EFNA5: variants seen among roughly 807,000 people sequenced by gnomAD.
The protein encoded by EFNA5 is ephrin A5, also known as ephrin-A5.
Under a neutral mutation model 22.9 loss-of-function variants are expected in EFNA5, and 5 were observed. The ratio of observed to expected loss-of-function variants is 0.22; its 90% CI spans 0.11 to 0.46. The LOEUF is 0.46. Among genes scored for constraint, EFNA5 ranks in the 20% least tolerant of loss-of-function variants. EFNA5 has a pLI of 0.99. For missense variants in EFNA5, 237 were observed against 293.3 expected (o/e 0.81, Z 1.40); for synonymous variants, 113 against 112.2 (o/e 1.01, Z -0.04).
At chr5:107,655,015 AAAAAAAAAATGCTG>A (rs1351680932) in intron 1 of EFNA5, among the ~76,000 whole-genome samples, 4 of 70,436 alleles carry the variant, frequency 5.7e-5, no homozygotes, top group Non-Finnish European at 1.2e-4. Context: ...CGCTCATGGA[AAAAAAAAAATGCTG>A]AGTAAGCCTG....
chr5:107,622,401 G>A (rs1279245037), intron 1 of EFNA5, among the ~76,000 whole-genome samples: 1 of 152,176 alleles, frequency 6.6e-6, no homozygotes, highest in Non-Finnish European at 1.5e-5. Context: ...GGATATTTGA[G>A]TATGGGTATT....
intron 1 of EFNA5, among the ~76,000 whole-genome samples, chr5:107,446,124 A>G (rs888756164): frequency 6.6e-6 from 1 of 152,228 alleles, no homozygotes; most frequent in African/African-American, 2.4e-5. Flanking sequence ...ACATCAGAAC[A>G]TAACACCTCA....
At chr5:107,664,367 C>A (rs1446536639) in intron 1 of EFNA5, among the ~76,000 whole-genome samples, 3 of 152,054 alleles carry the variant, frequency 2.0e-5, no homozygotes, top group African/African-American at 4.8e-5. Flanking sequence ...AACATAAATG[C>A]AGACAAATTT....
intron 1 of EFNA5, among the ~76,000 whole-genome samples, chr5:107,485,112 A>G (rs962734103): frequency 1.1e-4 from 17 of 152,330 alleles, no homozygotes; most frequent in Non-Finnish European, 1.8e-4. Flanking sequence ...TACAAATCTA[A>G]GAGGAGGGTT....
At chr5:107,420,522 TAAAAAAAAAAA>T (rs368304882) in intron 2 of EFNA5, among the ~76,000 whole-genome samples, 66 of 109,090 alleles carry the variant, frequency 6.1e-4, no homozygotes, top group Admixed American at 9.3e-4. Flanking sequence ...TCTGTGCTTT[TAAAAAAAAAAA>T]AAAAAAAGAA....
intron 2 of EFNA5, among the ~76,000 whole-genome samples, chr5:107,414,291 T>C (rs1419402237): frequency 6.6e-6 from 1 of 152,222 alleles, no homozygotes; most frequent in Non-Finnish European, 1.5e-5. Context: ...CTCAAATCAA[T>C]ATGTTACTAC....
At chr5:107,428,187 C>T (rs1327160033) in intron 1 of EFNA5, among the ~76,000 whole-genome samples, 2 of 152,176 alleles carry the variant, frequency 1.3e-5, no homozygotes. Flanking sequence ...CTTAGATCTG[C>T]TACGTCAGAA....
In EFNA5 at chr5:107,580,737, A is replaced by G. The variant is rs534351450; in HGVS notation, c.125+89752T>C. 2.1e-3 allele frequency among the ~76,000 whole-genome samples: 297 copies of G among 144,222 alleles called. 3 individuals carry two copies. The highest frequency in any genetic ancestry group is 7.5e-3 in the African/African-American group (282 of 37,548). 94.6% of individuals were successfully genotyped at this position (144,222 alleles called of 152,430 possible). A position where few individuals can be genotyped will look rare whatever the true frequency, so the allele number is the denominator to read the frequency against. ...ACTCCATCTCAAAAAAAAAAAAAAA[A>G]AAAGAAAAGAAAAGAAAAGAAAAAA... is the stretch of plus-strand genomic sequence containing the variant. On this transcript the variant is annotated intron_variant, in intron 1 of 4. Coordinates refer to ENST00000333274, the MANE Select transcript of EFNA5 (RefSeq NM_001962.3).
chr5:107,387,823 A>C, intron 2 of EFNA5, 52 bp from the exon 3 acceptor site: 1 of 1,217,214 alleles, frequency 8.2e-7, no homozygotes, highest in Non-Finnish European at 1.2e-6. Context: ...ACAACAACAT[A>C]TTACTCTTCA....
chr5:107,522,410 T>G (rs956979040), intron 1 of EFNA5, among the ~76,000 whole-genome samples: 1 of 152,104 alleles, frequency 6.6e-6, no homozygotes, highest in African/African-American at 2.4e-5. Context: ...CTTTGTCTTT[T>G]TTTAAAGACA....
intron 2 of EFNA5, among the ~76,000 whole-genome samples, chr5:107,403,100 T>A (rs932598183): frequency 2.0e-5 from 3 of 152,242 alleles, no homozygotes; most frequent in Middle Eastern, 6.8e-3. Flanking sequence ...AAGATGCGCA[T>A]GACATGTTCA....
intron 2 of EFNA5, among the ~76,000 whole-genome samples, chr5:107,419,485 C>T (rs115517971): frequency 0.016 from 2,503 of 152,242 alleles, 81 homozygotes; most frequent in African/African-American, 0.058. Context: ...TTGTTCCATT[C>T]TATTTTCAAA....
intron 1 of EFNA5, among the ~76,000 whole-genome samples, chr5:107,509,689 T>C (rs1278706967): frequency 1.3e-5 from 2 of 152,040 alleles, no homozygotes; most frequent in Non-Finnish European, 2.9e-5. Flanking sequence ...TGAATGGTTA[T>C]AAATGATTTA....
At chr5:107,587,603 G>A (rs978626613) in intron 1 of EFNA5, among the ~76,000 whole-genome samples, 7 of 152,052 alleles carry the variant, frequency 4.6e-5, no homozygotes, top group Non-Finnish European at 8.8e-5. Flanking sequence ...TGCAAGCTCC[G>A]CCTCCCGGGT....
Position 107,654,458 on chromosome 5 carries a change from A to C in EFNA5, c.125+16031T>G, listed in dbSNP as rs538132590. Among the ~76,000 whole-genome samples the C allele has an allele frequency of 1.8e-4, 27 of 152,276 alleles. No individual in the cohort carries two copies. The East Asian group carries it at 5.0e-3, about 28-fold the overall frequency. On this transcript the variant is annotated intron_variant, in intron 1 of 4. Transcript: ENST00000333274. Reference sequence around the variant, plus strand: ...TTACTAAAGATTTGTTAGATACCTAAGGAAGAAATTCATAGTTGTCTGCCA... The same window carrying C: ...TTACTAAAGATTTGTTAGATACCTACGGAAGAAATTCATAGTTGTCTGCCA...
intron 1 of EFNA5, among the ~76,000 whole-genome samples, chr5:107,498,251 A>G (rs1327696796): frequency 6.6e-6 from 1 of 152,252 alleles, no homozygotes; most frequent in Non-Finnish European, 1.5e-5. Flanking sequence ...TGACAGTTTC[A>G]ATGCAAATAT....
At chr5:107,644,602 C>T (rs1388044762) in intron 1 of EFNA5, among the ~76,000 whole-genome samples, 1 of 152,122 alleles carries the variant, frequency 6.6e-6, no homozygotes, top group Non-Finnish European at 1.5e-5. Flanking sequence ...TTGTTAATTA[C>T]CTAGTTGGTA....
chr5:107,478,488 C>A (rs893590578), intron 1 of EFNA5, among the ~76,000 whole-genome samples: 1 of 152,120 alleles, frequency 6.6e-6, no homozygotes, highest in African/African-American at 2.4e-5. Flanking sequence ...CACGCAAACA[C>A]ACAGTGCAGC....
At chr5:107,621,445 T>C (rs1750035046) in intron 1 of EFNA5, among the ~76,000 whole-genome samples, 3 of 152,158 alleles carry the variant, frequency 2.0e-5, no homozygotes, top group Non-Finnish European at 2.9e-5. Context: ...AATTTTAGTC[T>C]CTCAACCAAA....
Sources: allele counts gnomAD v4.1 joint callset (sites outside exome capture counted in the v4.1 genomes callset), GRCh38; gene constraint gnomAD v4.1.1; transcripts MANE v1.5; gene names NCBI Gene and HGNC (gene_info 2026-07-23, HGNC 2026-07-21).